Variants in KIAA2012 observed in about 807,000 individuals in gnomAD.
KIAA2012 encodes uncharacterized protein KIAA2012.
A neutral mutation model predicts 150.6 loss-of-function variants in KIAA2012; 125 were observed. That is an observed-to-expected ratio of 0.83 (90% CI 0.72 to 0.96). The LOEUF is 0.96. Among genes scored for constraint, KIAA2012 ranks in the 40% least tolerant of loss-of-function variants. KIAA2012 has a pLI of 0.00. For missense variants in KIAA2012, 1,219 were observed against 1,354.9 expected (o/e 0.90, Z 1.57); for synonymous variants, 462 against 504.7 (o/e 0.92, Z 1.13).
In KIAA2012 at chr2:202,073,528, T is replaced by G. The variant is rs1233162845; in HGVS notation, c.-100T>G. Reference sequence around the variant, plus strand: ...AAAAGGCCCTGTGTTTGTGGTCTTCTTGGGCTTGCTGTGAGCTCTGGAAAT... The same window carrying G: ...AAAAGGCCCTGTGTTTGTGGTCTTCGTGGGCTTGCTGTGAGCTCTGGAAAT... On this transcript the variant is annotated 5_prime_UTR_variant, in exon 1 of 24. Transcript: ENST00000498697. 2.9e-6 allele frequency: 3 copies of G among 1,022,172 alleles called. No individual in the cohort carries two copies. Among genetic ancestry groups the G allele is most frequent in the Non-Finnish European group, 4.3e-6 (3 of 690,832 alleles). The allele number at this position is 1,022,172 out of a possible 1,614,324, so 63.3% of individuals were successfully genotyped here. A position where few individuals can be genotyped will look rare whatever the true frequency, so the allele number is the denominator to read the frequency against.
Position 202,097,582 on chromosome 2 carries a change from C to T in KIAA2012, c.828+5C>T. The T allele has an allele frequency of 6.6e-7, 1 of 1,520,816 alleles. No homozygotes were observed. The highest frequency in any genetic ancestry group is 8.8e-7 in the Non-Finnish European group (1 of 1,138,978). The allele number at this position is 1,520,816 out of a possible 1,614,324, so 94.2% of individuals were successfully genotyped here. On this transcript the variant is annotated splice_donor_5th_base_variant and intron_variant, in intron 5 of 23. Transcript: ENST00000498697. ...GAAGATGAAACGCAGGCAGAGGTAC[C>T]ATTTCTTTTTTTTTTTTTTTTCCCC...
chr2:202,184,971 C>A, intron 16 of KIAA2012, 128 bp downstream of exon 16: 1 of 617,504 alleles, frequency 1.6e-6, no homozygotes, highest in South Asian at 2.2e-5. Flanking sequence ...CTCTAACAGC[C>A]AAAATTAAAT....
intron 13 of KIAA2012, among the ~76,000 whole-genome samples, chr2:202,153,647 C>A (rs990325403): frequency 1.3e-5 from 2 of 152,194 alleles, no homozygotes; most frequent in African/African-American, 2.4e-5. Context: ...TTATTTTTCT[C>A]CCTGTCACAA....
chr2:202,148,052 A>G (rs570674988), intron 13 of KIAA2012, among the ~76,000 whole-genome samples: 98 of 152,328 alleles, frequency 6.4e-4, no homozygotes, highest in African/African-American at 2.2e-3. Context: ...ATTCTGTTGT[A>G]TCAACAAAGC....
At chr2:202,168,520 C>A (rs2105726094) in intron 15 of KIAA2012, among the ~76,000 whole-genome samples, 1 of 151,772 alleles carries the variant, frequency 6.6e-6, no homozygotes, top group East Asian at 1.9e-4. Context: ...ATAGGAGCCA[C>A]AATTTGCTCC....
At chr2:202,201,624 G>A (rs1574321065) in intron 22 of KIAA2012, 1 of 1,610,668 alleles carries the variant, frequency 6.2e-7, no homozygotes, top group Admixed American at 1.7e-5. Flanking sequence ...ATAAGCCATG[G>A]GGATTGTGGA....
At chr2:202,160,382 C>A (rs921086960) in intron 14 of KIAA2012, among the ~76,000 whole-genome samples, 2 of 142,996 alleles carry the variant, frequency 1.4e-5, no homozygotes, top group African/African-American at 5.3e-5. Flanking sequence ...GGCGTGATCT[C>A]GGCTCACTGC....
intron 11 of KIAA2012, among the ~76,000 whole-genome samples, chr2:202,118,496 A>C (rs1690579091): frequency 6.6e-6 from 1 of 152,214 alleles, no homozygotes; most frequent in Non-Finnish European, 1.5e-5. Flanking sequence ...GAAGTGAGGC[A>C]GAAGCATCAA....
chr2:202,083,379 C>T (rs1270341870), intron 2 of KIAA2012, among the ~76,000 whole-genome samples: 2 of 151,454 alleles, frequency 1.3e-5, no homozygotes, highest in African/African-American at 2.4e-5. Flanking sequence ...CCCTCCCACC[C>T]TGCCCCGACC....
chr2:202,196,367 T>C (rs948371621), intron 21 of KIAA2012, among the ~76,000 whole-genome samples: 2 of 151,502 alleles, frequency 1.3e-5, no homozygotes, highest in Non-Finnish European at 2.9e-5. Flanking sequence ...GCTAATTTTT[T>C]TGTGATTTTA....
chr2:202,150,555 T>C (rs1270411904), intron 13 of KIAA2012, among the ~76,000 whole-genome samples: 1 of 152,128 alleles, frequency 6.6e-6, no homozygotes, highest in African/African-American at 2.4e-5. Context: ...TTCAGGCAAT[T>C]CTCATGCCTC....
chr2:202,189,365 C>T (rs1692286027), intron 18 of KIAA2012, among the ~76,000 whole-genome samples: 1 of 151,440 alleles, frequency 6.6e-6, no homozygotes, highest in Non-Finnish European at 1.5e-5. Context: ...GATCTCGGCT[C>T]ACTGCAACCT....
intron 3 of KIAA2012, among the ~76,000 whole-genome samples, chr2:202,091,655 T>A (rs1423200024): frequency 2.6e-5 from 4 of 152,206 alleles, no homozygotes; most frequent in African/African-American, 9.6e-5. Flanking sequence ...CGGGATGTAC[T>A]TCTACTAAAA....
chr2:202,135,993 T>TAA (rs367977936), intron 12 of KIAA2012: 80 of 275,350 alleles, frequency 2.9e-4, no homozygotes, highest in African/African-American at 7.0e-4. Context: ...GATTCAAATT[T>TAA]AAAAAAAAAA....
chr2:202,162,581 CTTTT>C (rs890834084), intron 14 of KIAA2012, among the ~76,000 whole-genome samples: 4 of 120,858 alleles, frequency 3.3e-5, no homozygotes, highest in Admixed American at 8.4e-5. Context: ...GGCCCAGAGT[CTTTT>C]TTTTTTTTTT....
intron 4 of KIAA2012, among the ~76,000 whole-genome samples, chr2:202,095,940 T>C (rs544378687): frequency 2.0e-5 from 3 of 152,162 alleles, no homozygotes; most frequent in East Asian, 1.9e-4. Context: ...AAAAATTAGC[T>C]GGGCATGGTG....
chr2:202,086,167 C>CAAAAAAAAAAAAAAA (rs56207993), intron 2 of KIAA2012, among the ~76,000 whole-genome samples: 1 of 90,106 alleles, frequency 1.1e-5, no homozygotes, highest in African/African-American at 4.4e-5. Context: ...AACTCTGTCT[C>CAAAAAAAAAAAAAAA]AAAAAAAAAA....
chr2:202,205,182 C>G lies in KIAA2012; in HGVS notation c.*205C>G, dbSNP rs1225760016. Reference sequence around the variant, plus strand: ...AGAGTGCAATGCATTTCGAAAAATCCAAAAAACTAAAAACAAGAAAATTAC... The same window carrying G: ...AGAGTGCAATGCATTTCGAAAAATCGAAAAAACTAAAAACAAGAAAATTAC... On this transcript the variant is annotated 3_prime_UTR_variant, in exon 24 of 24. Transcript: ENST00000498697. The G allele has an allele frequency of 6.6e-6, 1 of 152,054 alleles. No individual in the cohort carries two copies. Among genetic ancestry groups the G allele is most frequent in the Non-Finnish European group, 1.5e-5 (1 of 68,008 alleles). 9.4% of individuals were successfully genotyped at this position (152,054 alleles called of 1,614,324 possible).
At chr2:202,164,114 C>T (rs1246004819) in intron 14 of KIAA2012, among the ~76,000 whole-genome samples, 1 of 151,988 alleles carries the variant, frequency 6.6e-6, no homozygotes, top group Non-Finnish European at 1.5e-5. Flanking sequence ...CTTCCAGGAC[C>T]CTTCATGCCA....
Sources: allele counts gnomAD v4.1 joint callset (sites outside exome capture counted in the v4.1 genomes callset), GRCh38; gene constraint gnomAD v4.1.1; transcripts MANE v1.5; gene names NCBI Gene and HGNC (gene_info 2026-07-23, HGNC 2026-07-21).